The following EXT1 variants were observed in gnomAD, a reference collection of about 807,000 sequenced individuals.
EXT1 encodes exostosin glycosyltransferase 1.
EXT1 carries 20 observed loss-of-function variants against 82.5 expected under a neutral mutation model. That is an observed-to-expected ratio of 0.24 (90% CI 0.17 to 0.35). EXT1 has a LOEUF of 0.35. Among genes scored for constraint, EXT1 ranks in the 10% least tolerant of loss-of-function variants. EXT1 has a pLI of 1.00. For synonymous variants in EXT1, 348 were observed against 350.8 expected (o/e 0.99, Z 0.09); for missense variants, 757 against 936.5 (o/e 0.81, Z 2.50).
chr8:117,884,644 C>T (rs934944247), intron 1 of EXT1, among the ~76,000 whole-genome samples: 2 of 152,084 alleles, frequency 1.3e-5, no homozygotes, highest in African/African-American at 4.8e-5. Flanking sequence ...AAGCCCCCCG[C>T]CCCTCAAATT....
chr8:118,099,288 T>C (rs10505327), intron 1 of EXT1, among the ~76,000 whole-genome samples: 59,153 of 152,038 alleles, frequency 0.39, 13,860 homozygotes, highest in Middle Eastern at 0.54. Flanking sequence ...GCATTACATT[T>C]TATAATTTCC....
chr8:117,965,688 T>C (rs1814793435), intron 1 of EXT1, among the ~76,000 whole-genome samples: 1 of 152,214 alleles, frequency 6.6e-6, no homozygotes, highest in Non-Finnish European at 1.5e-5. Context: ...TTGTCAGCTA[T>C]GTAACAGGCT....
chr8:118,109,031 G>A (rs1335061815), intron 1 of EXT1, among the ~76,000 whole-genome samples: 1 of 152,158 alleles, frequency 6.6e-6, no homozygotes, highest in Non-Finnish European at 1.5e-5. Flanking sequence ...AGATGTAAGT[G>A]AGAGTCTGGG....
At chr8:117,965,733 T>C (rs1814794567) in intron 1 of EXT1, among the ~76,000 whole-genome samples, 1 of 152,202 alleles carries the variant, frequency 6.6e-6, no homozygotes, top group African/African-American at 2.4e-5. Context: ...CTTGAGCTTT[T>C]CTCTAATACC....
chr8:117,990,773 T>C (rs1354921241), intron 1 of EXT1, among the ~76,000 whole-genome samples: 2 of 152,328 alleles, frequency 1.3e-5, no homozygotes, highest in African/African-American at 4.8e-5. Context: ...ACTGCCCAGT[T>C]TGCATCGTTC....
intron 1 of EXT1, among the ~76,000 whole-genome samples, chr8:118,072,496 G>A (rs922724819): frequency 2.0e-5 from 3 of 152,180 alleles, no homozygotes; most frequent in African/African-American, 7.2e-5. Flanking sequence ...TAAGGGGGGA[G>A]ACCCTTTTTG....
At chr8:118,045,720 G>A (rs1429270593) in intron 1 of EXT1, among the ~76,000 whole-genome samples, 1 of 151,594 alleles carries the variant, frequency 6.6e-6, no homozygotes, top group Non-Finnish European at 1.5e-5. Flanking sequence ...CACACCAAAT[G>A]CCTTCCTCTT....
At chr8:118,014,156 C>T (rs1815960342) in intron 1 of EXT1, among the ~76,000 whole-genome samples, 1 of 152,154 alleles carries the variant, frequency 6.6e-6, no homozygotes, top group Admixed American at 6.5e-5. Flanking sequence ...TGTTAGCCTT[C>T]TTTGCTCTTT....
rs192878945 is a variant in EXT1, at chr8:118,069,504, T to C, written c.962+40581A>G. Among the ~76,000 whole-genome samples, 601 of 152,226 alleles carry C rather than the reference T, an allele frequency of 3.9e-3. 3 individuals are homozygous for C. Among genetic ancestry groups the C allele is most frequent in the Non-Finnish European group, 4.4e-3 (300 of 68,012 alleles). On this transcript the variant is annotated intron_variant, in intron 1 of 10. Transcript: ENST00000378204. ...TACAAACATTCTCTTATGAAGCAGA[T>C]AAGAGAGCAAAAATTACACTTTGGC... is the stretch of plus-strand genomic sequence containing the variant.
At chr8:117,990,838 T>C (rs940555535) in intron 1 of EXT1, among the ~76,000 whole-genome samples, 2 of 152,214 alleles carry the variant, frequency 1.3e-5, no homozygotes, top group Admixed American at 6.5e-5. Flanking sequence ...GACCCTTACA[T>C]GCAAACTGCA....
intron 1 of EXT1, among the ~76,000 whole-genome samples, chr8:117,856,323 C>G (rs566845945): frequency 6.7e-6 from 1 of 149,058 alleles, no homozygotes; most frequent in Admixed American, 6.7e-5. Context: ...GGCGTGATCT[C>G]TGCTCACTGC....
At position 118,111,283 on chromosome 8, in the gene EXT1, A is replaced by C; in HGVS notation, c.-237T>G. 1 of 644,510 alleles carries C rather than the reference A, an allele frequency of 1.6e-6. No individual in the cohort carries two copies. The highest frequency in any genetic ancestry group is 2.7e-6 in the Non-Finnish European group (1 of 370,414). The allele number at this position is 644,510 out of a possible 1,614,324, so 39.9% of individuals were successfully genotyped here. ...TTGGGTTGCACAATGCACGGGAGAG[A>C]GCGGGGCTGAATATCTCGCACCCAG... On this transcript the variant is annotated 5_prime_UTR_variant, in exon 1 of 11. Transcript: ENST00000378204.
At chr8:117,933,979 C>G (rs1814110612) in intron 1 of EXT1, among the ~76,000 whole-genome samples, 1 of 152,144 alleles carries the variant, frequency 6.6e-6, no homozygotes, top group Non-Finnish European at 1.5e-5. Context: ...CTCTAGGAGT[C>G]TCACCACAAT....
At chr8:117,881,916 C>G (rs1175145699) in intron 1 of EXT1, among the ~76,000 whole-genome samples, 1 of 152,100 alleles carries the variant, frequency 6.6e-6, no homozygotes, top group African/African-American at 2.4e-5. Context: ...CCAGAGATCC[C>G]CCAGGACTAT....
chr8:118,110,616 T>C lies in EXT1; in HGVS notation c.431A>G (p.Tyr144Cys), dbSNP rs1316804046. Residue 144 changes from tyrosine to cysteine, a missense_variant, in exon 1 of 11, where the codon TAC becomes TGC. Coordinates refer to ENST00000378204, the MANE Select transcript of EXT1 (RefSeq NM_000127.3). ...GCACGCCTGGCTGGGGTCCGAGGTG[T>C]AGAACCTGGAGCCCTCGATGGCCGC... ...ILAAIEGSRF[Y>C]TSDPSQACLF... 1 of 1,614,044 alleles carries C rather than the reference T, an allele frequency of 6.2e-7. No homozygotes were observed. The highest frequency in any genetic ancestry group is 1.3e-5 in the African/African-American group (1 of 74,884).
At chr8:117,808,689 G>C (rs1452119904) in intron 8 of EXT1, among the ~76,000 whole-genome samples, 2 of 152,212 alleles carry the variant, frequency 1.3e-5, no homozygotes, top group Non-Finnish European at 2.9e-5. Context: ...TCCAGGTCCT[G>C]CCCTCTCAGA....
At chr8:118,093,613 T>C (rs1366655933) in intron 1 of EXT1, among the ~76,000 whole-genome samples, 1 of 152,200 alleles carries the variant, frequency 6.6e-6, no homozygotes, top group Non-Finnish European at 1.5e-5. Flanking sequence ...TGGAACTGGA[T>C]AGGAATCAGA....
At chr8:117,916,537 A>G (rs1813758078) in intron 1 of EXT1, among the ~76,000 whole-genome samples, 1 of 152,238 alleles carries the variant, frequency 6.6e-6, no homozygotes, top group Non-Finnish European at 1.5e-5. Context: ...AAAGAATAAT[A>G]GAAGGCATTA....
rs1460963803 is a variant in EXT1, at chr8:117,795,657, T to G, written c.*4055A>C. 1 of 151,948 alleles carries G rather than the reference T, an allele frequency of 6.6e-6. No homozygotes were observed. Among genetic ancestry groups the G allele is most frequent in the Non-Finnish European group, 1.5e-5 (1 of 68,004 alleles). The allele number at this position is 151,948 out of a possible 1,614,324, so 9.4% of individuals were successfully genotyped here. ...AATAAATATACAAAAATTAGCCCAG[T>G]GTGGTAGCACATGCCTGTAATCCCA... On this transcript the variant is annotated 3_prime_UTR_variant, in exon 11 of 11. Transcript: ENST00000378204.
Sources: allele counts gnomAD v4.1 joint callset (sites outside exome capture counted in the v4.1 genomes callset), GRCh38; gene constraint gnomAD v4.1.1; transcripts MANE v1.5; gene names NCBI Gene and HGNC (gene_info 2026-07-23, HGNC 2026-07-21).